PAX3: variants seen among roughly 807,000 people sequenced by gnomAD.
The protein encoded by PAX3 is paired box protein Pax-3.
Under a neutral mutation model 51.6 loss-of-function variants are expected in PAX3, and 14 were observed. The ratio of observed to expected loss-of-function variants is 0.27; its 90% CI spans 0.18 to 0.42. The LOEUF (loss-of-function observed/expected upper bound fraction) is 0.42. Ranked by LOEUF, PAX3 falls within the 10% of genes least tolerant of loss-of-function variation. The pLI, the probability that PAX3 is intolerant of heterozygous loss-of-function variation, is 1.00. For missense variants in PAX3, 540 were observed against 642.8 expected (o/e 0.84, Z 1.73); for synonymous variants, 280 against 253.4 (o/e 1.11, Z -1.00).
At chr2:222,206,431 A>T (rs1212174580) in intron 7 of PAX3, among the ~76,000 whole-genome samples, 2 of 151,876 alleles carry the variant, frequency 1.3e-5, no homozygotes, top group Non-Finnish European at 2.9e-5. Flanking sequence ...CTAAATTGTT[A>T]CCTCCGAAAT....
At chr2:222,211,829 G>A (rs1337909144) in intron 7 of PAX3, among the ~76,000 whole-genome samples, 1 of 152,148 alleles carries the variant, frequency 6.6e-6, no homozygotes, top group Non-Finnish European at 1.5e-5. Flanking sequence ...AGGCTAATGT[G>A]CACTCGTACA....
At chr2:222,203,567 G>A (rs7559271) in intron 7 of PAX3, among the ~76,000 whole-genome samples, 82,535 of 151,808 alleles carry the variant, frequency 0.54, 23,248 homozygotes, top group Non-Finnish European at 0.63. Flanking sequence ...GCTAACTGCA[G>A]AATAACTCTC....
At chr2:222,275,556 T>A (rs1694390068) in intron 4 of PAX3, among the ~76,000 whole-genome samples, 2 of 152,206 alleles carry the variant, frequency 1.3e-5, no homozygotes, top group Admixed American at 1.3e-4. Context: ...TCAGAATATA[T>A]AGCTGAAAAG....
intron 4 of PAX3, among the ~76,000 whole-genome samples, chr2:222,276,649 G>C (rs1314944231): frequency 6.6e-6 from 1 of 152,154 alleles, no homozygotes; most frequent in South Asian, 2.1e-4. Context: ...GTCCAGAAAC[G>C]GAAAGCAACC....
chr2:222,252,915 T>A (rs962054084), intron 4 of PAX3, among the ~76,000 whole-genome samples: 1 of 152,212 alleles, frequency 6.6e-6, no homozygotes, highest in Admixed American at 6.5e-5. Flanking sequence ...TTTAGCTTAC[T>A]GATGATCATT....
chr2:222,297,476 C>A (rs1315942384), intron 1 of PAX3, among the ~76,000 whole-genome samples: 1 of 152,234 alleles, frequency 6.6e-6, no homozygotes, highest in African/African-American at 2.4e-5. Context: ...GCGTCTTCCC[C>A]TTCGGGCCCG....
intron 4 of PAX3, among the ~76,000 whole-genome samples, chr2:222,285,285 T>G (rs1462696483): frequency 2.0e-5 from 3 of 152,206 alleles, no homozygotes; most frequent in Non-Finnish European, 4.4e-5. Flanking sequence ...GAAGACAGAT[T>G]CTATGAATCT....
chr2:222,210,816 G>A (rs147899062), intron 7 of PAX3, among the ~76,000 whole-genome samples: 23 of 152,184 alleles, frequency 1.5e-4, no homozygotes, highest in African/African-American at 4.6e-4. Flanking sequence ...CTCAGTTTCC[G>A]TGTTTGCTTT....
chr2:222,238,675 C>T lies in PAX3; in HGVS notation c.587-6392G>A, dbSNP rs545504341. On this transcript the variant is annotated intron_variant, in intron 4 of 8. Transcript: ENST00000392070. ...CTATAAGATGGCCTCATACCAAACC[C>T]GATGGTCTTTTCGTCAGTTTTAATC... 1.6e-4 allele frequency among the ~76,000 whole-genome samples: 25 copies of T among 152,240 alleles called. No homozygotes were observed. The South Asian group carries it at 3.3e-3, about 20-fold the overall frequency.
intron 4 of PAX3, among the ~76,000 whole-genome samples, chr2:222,271,394 G>C (rs1232309397): frequency 6.6e-6 from 1 of 152,162 alleles, no homozygotes; most frequent in Non-Finnish European, 1.5e-5. Flanking sequence ...AGGATGCTAT[G>C]GTCATGTAAA....
chr2:222,243,457 C>G (rs1206749545), intron 4 of PAX3, among the ~76,000 whole-genome samples: 1 of 152,124 alleles, frequency 6.6e-6, no homozygotes, highest in Admixed American at 6.5e-5. Context: ...ATATATGGAG[C>G]CTAAACTCAA....
chr2:222,282,937 A>G (rs1694697452), intron 4 of PAX3, among the ~76,000 whole-genome samples: 1 of 152,214 alleles, frequency 6.6e-6, no homozygotes, highest in African/African-American at 2.4e-5. Context: ...ATAGGAGAAA[A>G]CGTATCATTT....
intron 4 of PAX3, chr2:222,287,396 T>C (rs1694870499): frequency 2.6e-5 from 4 of 152,226 alleles, no homozygotes; most frequent in Admixed American, 2.6e-4. Context: ...TTCAGAAATG[T>C]CTGAAATTCC....
chr2:222,267,395 A>G (rs1694090262), intron 4 of PAX3, among the ~76,000 whole-genome samples: 1 of 152,254 alleles, frequency 6.6e-6, no homozygotes, highest in Admixed American at 6.5e-5. Context: ...TAATCTTTCC[A>G]GATATATGAC....
chr2:222,272,118 C>T (rs994311522), intron 4 of PAX3, among the ~76,000 whole-genome samples: 10 of 152,180 alleles, frequency 6.6e-5, no homozygotes, highest in African/African-American at 2.4e-4. Flanking sequence ...GTTCAAGAAA[C>T]ACTGCATAGT....
At chr2:222,226,483 C>T (rs1313003006) in intron 5 of PAX3, among the ~76,000 whole-genome samples, 1 of 152,082 alleles carries the variant, frequency 6.6e-6, no homozygotes, top group Non-Finnish European at 1.5e-5. Context: ...GCACACTCAA[C>T]TGCATCTTGA....
At chr2:222,212,977 G>A (rs1259055399) in intron 7 of PAX3, among the ~76,000 whole-genome samples, 1 of 152,052 alleles carries the variant, frequency 6.6e-6, no homozygotes, top group Non-Finnish European at 1.5e-5. Flanking sequence ...GAATTCAAAT[G>A]GGACTAAAAA....
chr2:222,283,920 T>TCTCCAGCTCCTAGGAGCC (rs1455902870), intron 4 of PAX3, among the ~76,000 whole-genome samples: 2 of 152,186 alleles, frequency 1.3e-5, no homozygotes, highest in African/African-American at 4.8e-5. Context: ...GGGCAGGAGC[T>TCTCCAGCTCCTAGGAGCC]CTCCAGCTCC....
chr2:222,215,763 G>T (rs1691930563), intron 7 of PAX3, among the ~76,000 whole-genome samples: 3 of 151,946 alleles, frequency 2.0e-5, no homozygotes, highest in South Asian at 4.2e-4. Context: ...GGGATGGAGG[G>T]GAAATAAATG....
Sources: allele counts gnomAD v4.1 joint callset (sites outside exome capture counted in the v4.1 genomes callset), GRCh38; gene constraint gnomAD v4.1.1; transcripts MANE v1.5; gene names NCBI Gene and HGNC (gene_info 2026-07-23, HGNC 2026-07-21).